The following DLG2 variants were observed in gnomAD, a reference collection of about 807,000 sequenced individuals.
The protein encoded by DLG2 is discs large MAGUK scaffold protein 2, also known as disks large homolog 2.
Under a neutral mutation model 132.5 loss-of-function variants are expected in DLG2, and 45 were observed. That is an observed-to-expected ratio of 0.34 (90% confidence interval 0.27 to 0.44). DLG2 has a LOEUF of 0.44. Among genes scored for constraint, DLG2 ranks in the 20% least tolerant of loss-of-function variants. The pLI is 1.00. For missense variants in DLG2, 1,045 were observed against 1,196.9 expected, an observed-to-expected ratio of 0.87 and a Z score of 1.87; for synonymous variants, 424 against 419.6, an observed-to-expected ratio of 1.01 and a Z score of -0.13.
At chr11:84,881,486 C>T (rs1304286355) in intron 6 of DLG2, among the ~76,000 whole-genome samples, 1 of 152,102 alleles carries the variant, frequency 6.6e-6, no homozygotes, top group Non-Finnish European at 1.5e-5. Context: ...CCTTAGTCAA[C>T]CCAAAACTGG....
chr11:83,547,513 T>C (rs913338396), intron 19 of DLG2, among the ~76,000 whole-genome samples: 1 of 152,092 alleles, frequency 6.6e-6, no homozygotes, highest in Admixed American at 6.6e-5. Context: ...CACTGCTGGC[T>C]TCAAAGTTAG....
intron 7 of DLG2, among the ~76,000 whole-genome samples, chr11:84,519,493 G>T (rs2099287317): frequency 6.6e-6 from 1 of 152,130 alleles, no homozygotes; most frequent in African/African-American, 2.4e-5. Flanking sequence ...ACAGAAAACT[G>T]CCTTGTAAGA....
At chr11:84,572,466 T>C (rs960260238) in intron 6 of DLG2, among the ~76,000 whole-genome samples, 10 of 152,094 alleles carry the variant, frequency 6.6e-5, no homozygotes, top group Admixed American at 2.6e-4. Flanking sequence ...CAAGAGAATA[T>C]GTGGAGCAGA....
chr11:85,338,586 A>G (rs2082281245), intron 3 of DLG2, among the ~76,000 whole-genome samples: 1 of 152,068 alleles, frequency 6.6e-6, no homozygotes, highest in South Asian at 2.1e-4. Flanking sequence ...TAATATTTCC[A>G]TATTACCAGA....
intron 3 of DLG2, among the ~76,000 whole-genome samples, chr11:85,500,221 CTAAGT>C (rs1293410720): frequency 6.6e-6 from 1 of 151,680 alleles, no homozygotes; most frequent in Non-Finnish European, 1.5e-5. Context: ...CAAAATCTCC[CTAAGT>C]TAATAAGCAA....
rs77525455 is a variant in DLG2, at chr11:84,690,634, G to A, written c.358-155903C>T. The stretch of plus-strand genomic sequence containing the variant: ...CAGCTATTTATTGAGTAATTATTAC[G>A]TGTCAGCCACAGTGGTAACAGATAC... On this transcript the variant is annotated intron_variant, in intron 6 of 27. Coordinates refer to ENST00000376104, the MANE Select transcript of DLG2 (RefSeq NM_001142699.3). Among the ~76,000 whole-genome samples, 185 of 151,776 alleles carry A rather than the reference G, an allele frequency of 1.2e-3. 1 individual carries two copies. Among genetic ancestry groups the A allele is most frequent in the African/African-American group, 4.2e-3 (175 of 41,432 alleles).
chr11:85,448,193 T>C (rs572189287), intron 3 of DLG2, among the ~76,000 whole-genome samples: 46 of 152,320 alleles, frequency 3.0e-4, no homozygotes, highest in African/African-American at 8.7e-4. Context: ...TTTAGCAATC[T>C]AAAAAGCCCT....
chr11:83,784,699 A>G (rs1475822038), intron 18 of DLG2, among the ~76,000 whole-genome samples: 1 of 152,258 alleles, frequency 6.6e-6, no homozygotes, highest in Non-Finnish European at 1.5e-5. Context: ...ATGAAGATCT[A>G]CATTGATAGA....
intron 4 of DLG2, among the ~76,000 whole-genome samples, chr11:85,182,588 G>A (rs1021703635): frequency 1.3e-5 from 2 of 151,460 alleles, no homozygotes; most frequent in African/African-American, 4.8e-5. Flanking sequence ...GCAAGTGTGG[G>A]AGAAAAGAAA....
chr11:83,791,137 C>T (rs2041437715), intron 17 of DLG2: 1 of 654,622 alleles, frequency 1.5e-6, no homozygotes, highest in South Asian at 1.9e-5. Flanking sequence ...TGCACGTCTC[C>T]TCAGAGTTTG....
Position 85,497,155 on chromosome 11 carries a change from C to A in DLG2, c.40+101502G>T, listed in dbSNP as rs192925787. ...CTGAGCTAAAGAAGCATGTTCTAACCCGTCGCAAGGAAGTTAAATCCTTGA... is the reference window on the plus strand; with the variant it reads ...CTGAGCTAAAGAAGCATGTTCTAACACGTCGCAAGGAAGTTAAATCCTTGA... On this transcript the variant is annotated intron_variant, in intron 3 of 27. Transcript: ENST00000376104. Among the ~76,000 whole-genome samples, 7 of 151,996 alleles carry A rather than the reference C, an allele frequency of 4.6e-5. No homozygotes were observed. The East Asian group carries it at 1.2e-3, about 25-fold the overall frequency.
intron 6 of DLG2, among the ~76,000 whole-genome samples, chr11:85,090,568 C>T (rs1400226242): frequency 6.6e-6 from 1 of 152,152 alleles, no homozygotes; most frequent in Non-Finnish European, 1.5e-5. Context: ...TCATCCATTC[C>T]CATCTTCTGG....
At chr11:84,537,685 T>G (rs1221610737) in intron 6 of DLG2, among the ~76,000 whole-genome samples, 1 of 152,232 alleles carries the variant, frequency 6.6e-6, no homozygotes, top group African/African-American at 2.4e-5. Context: ...GTATTTTCTG[T>G]GTTTTTCCAC....
chr11:84,781,001 A>G (rs1274005135), intron 6 of DLG2, among the ~76,000 whole-genome samples: 1 of 150,858 alleles, frequency 6.6e-6, no homozygotes, highest in Non-Finnish European at 1.5e-5. Flanking sequence ...ATTGTACAAA[A>G]AAAAAAAAAA....
rs928837512 is a variant in DLG2, at chr11:85,497,291, T to G, written c.40+101366A>C. On this transcript the variant is annotated intron_variant, in intron 3 of 27. Transcript: ENST00000376104. The stretch of plus-strand genomic sequence containing the variant: ...GAATTTAGTGAAGCATACACAAACT[T>G]CAATAGCCAATTTGATCAAGCAGAA... Among the ~76,000 whole-genome samples, 3 of 151,162 alleles carry G rather than the reference T, an allele frequency of 2.0e-5. No homozygotes were observed. The South Asian group carries it at 6.3e-4, about 32-fold the overall frequency.
At chr11:85,601,249 C>A (rs1368111118) in intron 2 of DLG2, among the ~76,000 whole-genome samples, 1 of 152,176 alleles carries the variant, frequency 6.6e-6, no homozygotes, top group East Asian at 1.9e-4. Flanking sequence ...CTCAAGCAAT[C>A]CTCCTGCCTT....
intron 7 of DLG2, among the ~76,000 whole-genome samples, chr11:84,367,287 G>A (rs1370102121): frequency 6.6e-6 from 1 of 152,116 alleles, no homozygotes; most frequent in Non-Finnish European, 1.5e-5. Flanking sequence ...TGCAAGCCAT[G>A]TGATCTTTGC....
At chr11:84,550,898 C>T (rs908697875) in intron 6 of DLG2, among the ~76,000 whole-genome samples, 1 of 152,152 alleles carries the variant, frequency 6.6e-6, no homozygotes, top group Non-Finnish European at 1.5e-5. Flanking sequence ...TCTTTGAGCT[C>T]CCTTTTTCCT....
chr11:84,471,743 C>T (rs1207329250), intron 7 of DLG2, among the ~76,000 whole-genome samples: 2 of 151,642 alleles, frequency 1.3e-5, no homozygotes, highest in Admixed American at 6.6e-5. Context: ...TCTGTCCTCC[C>T]TTCCTCAACT....
Sources: allele counts gnomAD v4.1 joint callset (sites outside exome capture counted in the v4.1 genomes callset), GRCh38; gene constraint gnomAD v4.1.1; transcripts MANE v1.5; gene names NCBI Gene and HGNC (gene_info 2026-07-23, HGNC 2026-07-21).